MYT1L: variants seen among roughly 807,000 people sequenced by gnomAD.
MYT1L encodes the protein myelin transcription factor 1 like, also known as myelin transcription factor 1-like protein.
MYT1L carries 12 observed loss-of-function variants against 126.7 expected under a neutral mutation model. The observed-to-expected ratio is 0.09, with a 90% CI of 0.06 to 0.15. The LOEUF (loss-of-function observed/expected upper bound fraction) is 0.15, where lower values mean the gene tolerates loss of function less well. Among genes scored for constraint, MYT1L ranks in the 10% least tolerant of loss-of-function variants. MYT1L has a pLI of 1.00. For synonymous variants in MYT1L, 541 were observed against 604.2 expected (o/e 0.90, Z 1.53); for missense variants, 979 against 1,585.2 (o/e 0.62, Z 6.49).
intron 8 of MYT1L, among the ~76,000 whole-genome samples, chr2:1,952,719 C>T (rs1558515485): frequency 1.7e-5 from 1 of 57,336 alleles, no homozygotes. Context: ...CCCTTCCCTC[C>T]TTCCTTCCCT....
intron 3 of MYT1L, among the ~76,000 whole-genome samples, chr2:2,133,970 C>G: frequency 6.6e-6 from 1 of 152,210 alleles, no homozygotes; most frequent in Admixed American, 6.5e-5. Flanking sequence ...AATGTTGATT[C>G]TCTTTAGAAA....
chr2:1,919,052 G>A (rs1206670404), intron 10 of MYT1L, among the ~76,000 whole-genome samples: 1 of 152,082 alleles, frequency 6.6e-6, no homozygotes, highest in Non-Finnish European at 1.5e-5. Flanking sequence ...AGTGGCTGGT[G>A]CAAAAAAGTG....
intron 2 of MYT1L, among the ~76,000 whole-genome samples, chr2:2,281,792 G>A (rs944514412): frequency 1.3e-5 from 2 of 152,158 alleles, no homozygotes; most frequent in Admixed American, 1.3e-4. Flanking sequence ...AAAAACAACA[G>A]GTGCCTATTA....
At chr2:1,931,634 A>T (rs1256778302) in intron 9 of MYT1L, among the ~76,000 whole-genome samples, 1 of 152,042 alleles carries the variant, frequency 6.6e-6, no homozygotes, top group Non-Finnish European at 1.5e-5. Context: ...TACCCAAAAT[A>T]CACTCCCAGC....
chr2:1,926,749 G>T (rs185038856), intron 9 of MYT1L, among the ~76,000 whole-genome samples: 1 of 152,174 alleles, frequency 6.6e-6, no homozygotes, highest in Non-Finnish European at 1.5e-5. Flanking sequence ...ATGTTGGCCA[G>T]GCTGGTCTTG....
intron 4 of MYT1L, among the ~76,000 whole-genome samples, chr2:2,050,219 C>A (rs980657362): frequency 6.6e-6 from 1 of 152,162 alleles, no homozygotes; most frequent in Non-Finnish European, 1.5e-5. Flanking sequence ...TGATCGCTGG[C>A]AGTTTCAGGA....
intron 2 of MYT1L, among the ~76,000 whole-genome samples, chr2:2,210,571 G>A (rs1459489879): frequency 6.6e-6 from 1 of 152,024 alleles, no homozygotes; most frequent in East Asian, 1.9e-4. Flanking sequence ...TCTTTATTCT[G>A]TTCCATGCAT....
intron 3 of MYT1L, among the ~76,000 whole-genome samples, chr2:2,107,243 C>T (rs567017147): frequency 4.6e-5 from 7 of 152,308 alleles, no homozygotes; most frequent in Admixed American, 2.6e-4. Context: ...CCGGTGACGT[C>T]GAGCACAATC....
intron 21 of MYT1L, chr2:1,817,150 C>T (rs1321941284): frequency 6.6e-6 from 1 of 152,240 alleles, no homozygotes; most frequent in East Asian, 1.9e-4. Context: ...TGTATTTAGT[C>T]ATATCTATTA....
At chr2:2,011,679 A>G (rs1033000699) in intron 4 of MYT1L, among the ~76,000 whole-genome samples, 2 of 152,224 alleles carry the variant, frequency 1.3e-5, no homozygotes, top group African/African-American at 4.8e-5. Context: ...TTATAAATCA[A>G]TAATAGAATG....
intron 21 of MYT1L, chr2:1,826,941 C>A (rs1340516022): frequency 6.6e-6 from 1 of 152,156 alleles, no homozygotes; most frequent in Non-Finnish European, 1.5e-5. Context: ...CTGAGTCCTG[C>A]TTTCTCCAGA....
chr2:2,086,127 AAAG>A (rs1249144797), intron 3 of MYT1L, among the ~76,000 whole-genome samples: 12 of 152,336 alleles, frequency 7.9e-5, no homozygotes, highest in African/African-American at 2.4e-4. Context: ...CTGTCTTGAT[AAAG>A]AAGACTGAAA....
intron 4 of MYT1L, among the ~76,000 whole-genome samples, chr2:2,041,867 G>A (rs1316286727): frequency 1.3e-5 from 2 of 152,140 alleles, no homozygotes; most frequent in Non-Finnish European, 2.9e-5. Flanking sequence ...AAGATTCTCT[G>A]TAGAAAAGTT....
intron 15 of MYT1L, among the ~76,000 whole-genome samples, chr2:1,891,131 A>G (rs539344671): frequency 2.4e-4 from 36 of 152,312 alleles, no homozygotes; most frequent in South Asian, 4.1e-4. Flanking sequence ...ATATACTGAT[A>G]GAAGAAAAAA....
At chr2:2,092,927 G>A (rs1328327319) in intron 3 of MYT1L, among the ~76,000 whole-genome samples, 1 of 152,204 alleles carries the variant, frequency 6.6e-6, no homozygotes, top group Admixed American at 6.5e-5. Context: ...GCAGCTGAAG[G>A]TGTGTGCTGG....
chr2:2,006,927 A>G (rs971289074), intron 4 of MYT1L, among the ~76,000 whole-genome samples: 2 of 152,020 alleles, frequency 1.3e-5, no homozygotes, highest in South Asian at 2.1e-4. Flanking sequence ...AGATAATACA[A>G]TATTTTTCTT....
chr2:1,883,797 G>C (rs2047865287), intron 18 of MYT1L: 1 of 152,162 alleles, frequency 6.6e-6, no homozygotes, highest in South Asian at 2.1e-4. Flanking sequence ...CTTCCTCCCT[G>C]ACTTCTGAGC....
At position 2,234,687 on chromosome 2, in the gene MYT1L, G is replaced by T. The variant is rs114723548; in HGVS notation, c.-421+49717C>A. Among the ~76,000 whole-genome samples, 866 of 152,268 alleles carry T rather than the reference G, an allele frequency of 5.7e-3. 8 individuals are homozygous for T. Among genetic ancestry groups the T allele is most frequent in the African/African-American group, 0.02 (816 of 41,540 alleles). ...CTTTAAGAGGCAGTGCATTAAAAGG[G>T]TTATAGAATATCCTGACTTGAATTA... On this transcript the variant is annotated intron_variant, in intron 2 of 24. Transcript: ENST00000647738.
At chr2:2,107,846 C>T (rs1001248797) in intron 3 of MYT1L, among the ~76,000 whole-genome samples, 2 of 152,116 alleles carry the variant, frequency 1.3e-5, no homozygotes, top group South Asian at 2.1e-4. Context: ...GAGCAGAAGG[C>T]GGGCCGCTGC....
Sources: allele counts gnomAD v4.1 joint callset (sites outside exome capture counted in the v4.1 genomes callset), GRCh38; gene constraint gnomAD v4.1.1; transcripts MANE v1.5; gene names NCBI Gene and HGNC (gene_info 2026-07-23, HGNC 2026-07-21).